Variants in IQCK observed in about 807,000 individuals in gnomAD.
IQCK encodes IQ motif containing K, also known as IQ domain-containing protein K.
A neutral mutation model predicts 28.1 loss-of-function variants in IQCK; 29 were observed. That is an observed-to-expected ratio of 1.03 (90% CI 0.77 to 1.41). IQCK has a LOEUF of 1.41. Among genes scored for constraint, IQCK ranks in the 40% most tolerant of loss-of-function variants. The pLI, the probability that IQCK is intolerant of heterozygous loss-of-function variation, is 0.00. For synonymous variants in IQCK, 113 were observed against 115.1 expected, an observed-to-expected ratio of 0.98 and a Z score of 0.12; for missense variants, 359 against 314.7, an observed-to-expected ratio of 1.14 and a Z score of -1.07.
Position 19,733,660 on chromosome 16 carries a change from T to C in IQCK, c.247-38T>C, listed in dbSNP as rs866413450. ...CCAGAAAATGCAATTATTTAAGCTGTTTAAATGAATTGCCTCCCCTCCCCT... is the reference window on the plus strand; with the variant it reads ...CCAGAAAATGCAATTATTTAAGCTGCTTAAATGAATTGCCTCCCCTCCCCT... On this transcript the variant is annotated intron_variant, in intron 2 of 7. Transcript: ENST00000564186. The C allele has an allele frequency of 1.9e-6, 3 of 1,609,254 alleles. No individual in the cohort carries two copies. The Middle Eastern group carries it at 5.0e-4, about 267-fold the overall frequency.
At chr16:19,828,917 TA>T (rs1219930418), downstream of IQCK, among the ~76,000 whole-genome samples, 3 of 143,400 alleles carry the variant, frequency 2.1e-5, no homozygotes, top group East Asian at 5.9e-4. Context: ...TATATATTTT[TA>T]TATATATAAT....
intron 9 of IQCK, among the ~76,000 whole-genome samples, chr16:19,853,736 C>G (rs915110993): frequency 6.6e-6 from 1 of 152,228 alleles, no homozygotes; most frequent in Non-Finnish European, 1.5e-5. Flanking sequence ...TCAAGCGATT[C>G]TCCTGCCTCA....
chr16:19,784,966 A>G (rs2055542148), intron 6 of IQCK, among the ~76,000 whole-genome samples: 1 of 152,052 alleles, frequency 6.6e-6, no homozygotes, highest in South Asian at 2.1e-4. Flanking sequence ...ATGGGGTTTC[A>G]CCATGTTGGC....
At chr16:19,784,925 C>T (rs541870718) in intron 6 of IQCK, among the ~76,000 whole-genome samples, 94 of 152,228 alleles carry the variant, frequency 6.2e-4, no homozygotes, top group African/African-American at 2.1e-3. Context: ...CACACCACCA[C>T]GGCTGGCTAA....
At chr16:19,771,692 A>G (rs1412131387) in intron 6 of IQCK, among the ~76,000 whole-genome samples, 3 of 152,208 alleles carry the variant, frequency 2.0e-5, no homozygotes, top group Non-Finnish European at 1.5e-5. Context: ...ATGCTTTTCT[A>G]TGTATCTCCA....
At chr16:19,729,050 A>T (rs1391304703) in intron 1 of IQCK, among the ~76,000 whole-genome samples, 1 of 152,214 alleles carries the variant, frequency 6.6e-6, no homozygotes, top group Non-Finnish European at 1.5e-5. Context: ...TGCTTTAGGG[A>T]TATAACTAAT....
chr16:19,745,610 G>C (rs759849298), intron 4 of IQCK, among the ~76,000 whole-genome samples: 3 of 152,184 alleles, frequency 2.0e-5, no homozygotes, highest in Non-Finnish European at 4.4e-5. Flanking sequence ...GAAATGCTTA[G>C]ATGATATAAT....
intron 6 of IQCK, among the ~76,000 whole-genome samples, chr16:19,772,173 T>A (rs1447521201): frequency 1.3e-5 from 2 of 152,214 alleles, no homozygotes; most frequent in Admixed American, 6.5e-5. Context: ...CTTACATTTT[T>A]AAATCATAAA....
intron 6 of IQCK, among the ~76,000 whole-genome samples, chr16:19,786,671 C>G (rs1222523603): frequency 1.4e-5 from 2 of 142,784 alleles, no homozygotes; most frequent in Non-Finnish European, 3.0e-5. Context: ...GTACTCTAGC[C>G]TGGGGGACAG....
Position 19,804,692 on chromosome 16 carries a change from G to C in IQCK, c.690+15770G>C, listed in dbSNP as rs575302888. On this transcript the variant is annotated intron_variant, in intron 7 of 7. Transcript: ENST00000564186. ...CGATCCACTCCCTCCGCCTCCCAAA[G>C]TGTTGGGATTACAGGTGTGAGCCAC... Among the ~76,000 whole-genome samples, 11 of 152,200 alleles carry C rather than the reference G, an allele frequency of 7.2e-5. No homozygotes were observed. In the South Asian group the frequency reaches 2.3e-3, roughly 32 times the overall value.
intron 7 of IQCK, among the ~76,000 whole-genome samples, chr16:19,826,568 G>A (rs1203917848): frequency 6.6e-6 from 1 of 151,984 alleles, no homozygotes; most frequent in Non-Finnish European, 1.5e-5. Flanking sequence ...AGTAGAGAGG[G>A]GGTTTCACCA....
intron 4 of IQCK, among the ~76,000 whole-genome samples, chr16:19,754,489 T>G (rs1314230795): frequency 2.0e-5 from 3 of 152,198 alleles, no homozygotes; most frequent in Non-Finnish European, 4.4e-5. Flanking sequence ...TGGTTGCTTA[T>G]CAAATTCCAT....
chr16:19,819,627 T>G (rs527610077), intron 7 of IQCK: 1 of 158,868 alleles, frequency 6.3e-6, no homozygotes, highest in South Asian at 1.9e-4. Context: ...TGGAAGTAAT[T>G]CATATGATAA....
chr16:19,777,421 G>A (rs576695184), intron 6 of IQCK, among the ~76,000 whole-genome samples: 36 of 152,210 alleles, frequency 2.4e-4, no homozygotes, highest in African/African-American at 8.2e-4. Context: ...TTAAATGGTG[G>A]CACAGCAGAA....
At chr16:19,747,926 C>A (rs1285112022) in intron 4 of IQCK, among the ~76,000 whole-genome samples, 1 of 152,128 alleles carries the variant, frequency 6.6e-6, no homozygotes, top group Non-Finnish European at 1.5e-5. Context: ...TTGCAACTTA[C>A]CGTATACACT....
intron 7 of IQCK, chr16:19,819,458 A>T (rs2056035343): frequency 6.6e-6 from 1 of 151,660 alleles, no homozygotes. Context: ...GTGCCACTGT[A>T]CTCCAGCCTG....
intron 9 of IQCK, among the ~76,000 whole-genome samples, chr16:19,850,705 AG>A (rs1414407532): frequency 6.6e-6 from 1 of 152,202 alleles, no homozygotes. Flanking sequence ...TTGAGGGCAA[AG>A]AATATGCCCT....
At chr16:19,807,660 A>G (rs918668392) in intron 7 of IQCK, among the ~76,000 whole-genome samples, 1 of 152,198 alleles carries the variant, frequency 6.6e-6, no homozygotes, top group African/African-American at 2.4e-5. Flanking sequence ...GTGACAGCCT[A>G]GTAGGGTGCC....
intron 7 of IQCK, among the ~76,000 whole-genome samples, chr16:19,799,597 TACACACACACACACAC>T (rs529119301): frequency 9.0e-6 from 1 of 111,684 alleles, no homozygotes; most frequent in African/African-American, 5.2e-5. Flanking sequence ...TATATATATA[TACACACACACACACAC>T]ACACACACAC....
Sources: gnomAD v4.1 joint callset for allele counts (sites outside exome capture counted in the v4.1 genomes callset) on GRCh38, gnomAD v4.1.1 for gene constraint, MANE v1.5 for transcripts, NCBI Gene and HGNC (gene_info 2026-07-23, HGNC 2026-07-21) for gene names.